PLCB1: variants seen among roughly 807,000 people sequenced by gnomAD.
The protein encoded by PLCB1 is 1-phosphatidylinositol 4,5-bisphosphate phosphodiesterase beta-1.
A neutral mutation model predicts 161.8 loss-of-function variants in PLCB1; 46 were observed. The ratio of observed to expected loss-of-function variants is 0.28; its 90% CI spans 0.22 to 0.36. The LOEUF (loss-of-function observed/expected upper bound fraction) is 0.36. PLCB1 is among the 10% of genes least tolerant of loss of function. The probability of loss-of-function intolerance (pLI) is 1.00; values close to 1 mark genes in which losing one functional copy is unlikely to be tolerated. For missense variants in PLCB1, 1,016 were observed against 1,472.5 expected (o/e 0.69, Z 5.07); for synonymous variants, 517 against 503.7 (o/e 1.03, Z -0.35).
chr20:8,466,398 C>T lies in PLCB1; in HGVS notation c.246+94948C>T, dbSNP rs943460140. Among the ~76,000 whole-genome samples, 5 of 151,154 alleles carry T rather than the reference C, an allele frequency of 3.3e-5. No individual in the cohort carries two copies. In the East Asian group the frequency reaches 9.9e-4, roughly 30 times the overall value. ...AGATGACGAGTTAGTGGGTGCAGCG[C>T]ACCAGCATGGCACATGTATACATAT... On this transcript the variant is annotated intron_variant, in intron 3 of 31. Coordinates refer to ENST00000338037, the MANE Select transcript of PLCB1 (RefSeq NM_015192.4).
chr20:8,542,094 A>G (rs1184172706), intron 3 of PLCB1, among the ~76,000 whole-genome samples: 1 of 152,178 alleles, frequency 6.6e-6, no homozygotes, highest in Non-Finnish European at 1.5e-5. Flanking sequence ...CTCAGATGAT[A>G]TCTTTCTTTC....
At chr20:8,828,215 A>G (rs1186895053) in intron 31 of PLCB1, among the ~76,000 whole-genome samples, 1 of 152,202 alleles carries the variant, frequency 6.6e-6, no homozygotes, top group Non-Finnish European at 1.5e-5. Context: ...ACATGTATCC[A>G]AAGGCTCCAT....
chr20:8,683,034 TTA>T (rs1339258826), intron 9 of PLCB1, among the ~76,000 whole-genome samples: 1 of 152,118 alleles, frequency 6.6e-6, no homozygotes, highest in African/African-American at 2.4e-5. Flanking sequence ...CTGCTATATT[TTA>T]TGATATAAAA....
chr20:8,532,593 A>G (rs559040684), intron 3 of PLCB1, among the ~76,000 whole-genome samples: 4 of 152,246 alleles, frequency 2.6e-5, no homozygotes, highest in African/African-American at 7.2e-5. Flanking sequence ...CACATTAAAC[A>G]GAAATAGAGC....
intron 23 of PLCB1, among the ~76,000 whole-genome samples, chr20:8,745,401 A>T (rs1981120430): frequency 6.6e-6 from 1 of 152,140 alleles, no homozygotes; most frequent in Admixed American, 6.5e-5. Flanking sequence ...TTTTAATGTG[A>T]TGCTTGTAAA....
intron 3 of PLCB1, among the ~76,000 whole-genome samples, chr20:8,399,120 TTA>T (rs1271573549): frequency 6.6e-6 from 1 of 151,836 alleles, no homozygotes; most frequent in Non-Finnish European, 1.5e-5. Context: ...GATTTTCCAT[TTA>T]GATCTTGGAG....
At position 8,457,714 on chromosome 20, in the gene PLCB1, G is replaced by GCGCACACACACAGA. The variant is rs1555808428; in HGVS notation, c.246+86265_246+86266insGCACACACACAGAC. Reference sequence around the variant, plus strand: ...CTACTTATACCCCTAATGTGTGCGCGCACACACACACACACACACACACAC... The same window carrying GCGCACACACACAGA: ...CTACTTATACCCCTAATGTGTGCGCGCGCACACACACAGACACACACACACACACACACACACAC... On this transcript the variant is annotated intron_variant, in intron 3 of 31. Coordinates refer to ENST00000338037, the MANE Select transcript of PLCB1 (RefSeq NM_015192.4). Among the ~76,000 whole-genome samples the GCGCACACACACAGA allele has an allele frequency of 2.1e-5, 3 of 145,864 alleles. No homozygotes were observed. In the South Asian group the frequency reaches 6.7e-4, roughly 32 times the overall value.
intron 2 of PLCB1, among the ~76,000 whole-genome samples, chr20:8,321,535 C>T (rs1600313260): frequency 6.6e-6 from 1 of 152,198 alleles, no homozygotes; most frequent in East Asian, 1.9e-4. Context: ...TGATATGGGT[C>T]CTGGGATGGG....
In PLCB1 at chr20:8,874,225, TAC is replaced by T. The variant is rs56986559; in HGVS notation, c.3424-7368_3424-7367del. ...AATTTTATTTATATATATGTGTATG[TAC>T]ACACACACACACACACACACACACA... On this transcript the variant is annotated intron_variant, in intron 31 of 31. Coordinates refer to ENST00000338037, the MANE Select transcript of PLCB1 (RefSeq NM_015192.4). Among the ~76,000 whole-genome samples the T allele has an allele frequency of 4.7e-3, 622 of 132,166 alleles. 2 individuals are homozygous for T. The highest frequency in any genetic ancestry group is 6.2e-3 in the African/African-American group (219 of 35,494). 86.7% of individuals were successfully genotyped at this position (132,166 alleles called of 152,430 possible). A position where few individuals can be genotyped will look rare whatever the true frequency, so the allele number is the denominator to read the frequency against.
intron 1 of PLCB1, among the ~76,000 whole-genome samples, chr20:8,149,634 G>A (rs1030595343): frequency 6.6e-6 from 1 of 152,068 alleles, no homozygotes; most frequent in East Asian, 1.9e-4. Flanking sequence ...CAGATGGTAT[G>A]TCTTTCTGAA....
chr20:8,513,597 TC>T (rs1983985094), intron 3 of PLCB1, among the ~76,000 whole-genome samples: 1 of 152,046 alleles, frequency 6.6e-6, no homozygotes, highest in East Asian at 1.9e-4. Flanking sequence ...AAGAATTCTG[TC>T]CCCCCTGCCA....
intron 19 of PLCB1, among the ~76,000 whole-genome samples, chr20:8,736,404 G>T (rs1318145648): frequency 6.6e-6 from 1 of 152,194 alleles, no homozygotes; most frequent in Non-Finnish European, 1.5e-5. Context: ...AACTTATCTT[G>T]ATGGTTTAAA....
intron 31 of PLCB1, chr20:8,792,507 TC>T (rs1390193488): frequency 1.1e-5 from 5 of 469,620 alleles, no homozygotes; most frequent in Non-Finnish European, 2.2e-5. Flanking sequence ...TTTCTTCCTT[TC>T]TGGCCCCTTG....
chr20:8,367,882 T>C (rs1386582689), intron 2 of PLCB1, among the ~76,000 whole-genome samples: 1 of 152,098 alleles, frequency 6.6e-6, no homozygotes, highest in African/African-American at 2.4e-5. Flanking sequence ...TCCAGAGGGG[T>C]GGCTGTGGTA....
chr20:8,616,438 A>G (rs909863308), intron 3 of PLCB1, among the ~76,000 whole-genome samples: 10 of 152,130 alleles, frequency 6.6e-5, no homozygotes, highest in African/African-American at 2.2e-4. Context: ...ATGCTTGTTT[A>G]GGGAAGCCCT....
chr20:8,230,132 G>C (rs76602044), intron 2 of PLCB1, among the ~76,000 whole-genome samples: 4,805 of 138,558 alleles, frequency 0.035, 269 homozygotes, highest in African/African-American at 0.11. Context: ...TCTTGAAACA[G>C]AATGTGCAAT....
chr20:8,756,861 T>C (rs973830147), intron 23 of PLCB1, among the ~76,000 whole-genome samples, 185 bp from the exon 24 acceptor site: 7 of 152,164 alleles, frequency 4.6e-5, no homozygotes, highest in Non-Finnish European at 7.4e-5. Flanking sequence ...TTAATACAAT[T>C]AACCTCCCAT....
At chr20:8,562,278 T>G (rs1452169527) in intron 3 of PLCB1, among the ~76,000 whole-genome samples, 1 of 152,032 alleles carries the variant, frequency 6.6e-6, no homozygotes, top group Non-Finnish European at 1.5e-5. Context: ...ACTGTAGGAT[T>G]CTAATATACT....
chr20:8,255,866 C>T (rs532958207), intron 2 of PLCB1, among the ~76,000 whole-genome samples: 6 of 152,128 alleles, frequency 3.9e-5, no homozygotes, highest in Admixed American at 1.3e-4. Flanking sequence ...CAATCAGCGA[C>T]GAACCACATA....
Sources: allele counts gnomAD v4.1 joint callset (sites outside exome capture counted in the v4.1 genomes callset), GRCh38; gene constraint gnomAD v4.1.1; transcripts MANE v1.5; gene names NCBI Gene and HGNC (gene_info 2026-07-23, HGNC 2026-07-21).